The following PHIP variants were observed in gnomAD, a reference collection of about 807,000 sequenced individuals.
The protein encoded by PHIP is PH-interacting protein.
In PHIP, 54 loss-of-function variants were observed where a neutral mutation model predicts 236.8. The observed-to-expected ratio is 0.23, with a 90% CI of 0.18 to 0.29. The LOEUF is 0.29. Ranked by LOEUF, PHIP falls within the 10% of genes least tolerant of loss-of-function variation. The pLI is 1.00. For missense variants in PHIP, 1,370 were observed against 2,190.8 expected (o/e 0.63, Z 7.48); for synonymous variants, 756 against 718.9 (o/e 1.05, Z -0.83).
chr6:79,058,399 C>T (rs1012017627), intron 6 of PHIP, among the ~76,000 whole-genome samples: 5 of 152,048 alleles, frequency 3.3e-5, no homozygotes, highest in East Asian at 1.9e-4. Context: ...TGACCATCAA[C>T]GACGTGGCCT....
At chr6:78,986,907 C>A (rs892126891) in intron 21 of PHIP, among the ~76,000 whole-genome samples, 1 of 151,722 alleles carries the variant, frequency 6.6e-6, no homozygotes, top group Admixed American at 6.6e-5. Flanking sequence ...ATTTTTCCCA[C>A]ATTTTGTGTG....
chr6:79,041,247 G>A (rs1486067164), intron 7 of PHIP, among the ~76,000 whole-genome samples: 1 of 152,058 alleles, frequency 6.6e-6, no homozygotes, highest in African/African-American at 2.4e-5. Context: ...GGTTTGAGAC[G>A]CAGGCAGCAG....
chr6:79,060,255 G>A (rs1040082345), intron 6 of PHIP, among the ~76,000 whole-genome samples: 6 of 152,044 alleles, frequency 3.9e-5, no homozygotes, highest in African/African-American at 1.4e-4. Flanking sequence ...AAATTCCAAT[G>A]AGCTAATTGG....
chr6:78,950,610 T>G (rs1468413631), intron 35 of PHIP, among the ~76,000 whole-genome samples: 5 of 152,180 alleles, frequency 3.3e-5, no homozygotes, highest in East Asian at 3.8e-4. Flanking sequence ...GTTATCAAAT[T>G]TATATATGTA....
intron 39 of PHIP, among the ~76,000 whole-genome samples, chr6:78,943,753 G>A (rs981240133): frequency 2.0e-5 from 3 of 152,132 alleles, no homozygotes; most frequent in South Asian, 4.2e-4. Context: ...TTGGGAGGCC[G>A]AGTGGGGTGG....
chr6:79,038,072 T>A (rs1772030013), intron 7 of PHIP, among the ~76,000 whole-genome samples: 1 of 152,252 alleles, frequency 6.6e-6, no homozygotes, highest in African/African-American at 2.4e-5. Flanking sequence ...GTATTCAGTT[T>A]TTCAATTCCC....
At chr6:78,963,336 CA>C in intron 29 of PHIP, 84 bp from the exon 30 acceptor site, 1 of 1,070,914 alleles carries the variant, frequency 9.3e-7, no homozygotes, top group Non-Finnish European at 1.3e-6. Context: ...ATAACAGTCA[CA>C]AAATTAAAGT....
intron 6 of PHIP, among the ~76,000 whole-genome samples, chr6:79,058,924 T>C (rs553027339): frequency 3.3e-5 from 5 of 152,098 alleles, no homozygotes; most frequent in Non-Finnish European, 4.4e-5. Context: ...CTTTCCCTTC[T>C]TGCAGGAATC....
intron 35 of PHIP, among the ~76,000 whole-genome samples, chr6:78,949,754 T>C (rs187593829): frequency 9.2e-5 from 14 of 152,186 alleles, no homozygotes; most frequent in Admixed American, 8.5e-4. Context: ...AGTGGTATCA[T>C]CTTGGCTCAC....
chr6:78,999,137 C>G (rs1332094120), intron 17 of PHIP, among the ~76,000 whole-genome samples: 1 of 152,188 alleles, frequency 6.6e-6, no homozygotes, highest in African/African-American at 2.4e-5. Context: ...GCAAGAGGTA[C>G]AAACGCTGTG....
chr6:79,002,150 A>C lies in PHIP; in HGVS notation c.1654-26T>G. On this transcript the variant is annotated intron_variant, in intron 16 of 39. Coordinates refer to ENST00000275034, the MANE Select transcript of PHIP (RefSeq NM_017934.7). The stretch of plus-strand genomic sequence containing the variant: ...CTGCAAAAAGAAAAGTCCATAAAAG[A>C]CTGGAAAAATAAAAATGTATCATTG... 4 of 1,493,668 alleles carry C rather than the reference A, an allele frequency of 2.7e-6. No homozygotes were observed. In the Middle Eastern group the frequency reaches 7.0e-4, roughly 263 times the overall value. 92.5% of individuals were successfully genotyped at this position (1,493,668 alleles called of 1,614,324 possible).
chr6:78,977,294 C>A (rs1768164655), intron 24 of PHIP, among the ~76,000 whole-genome samples: 1 of 151,196 alleles, frequency 6.6e-6, no homozygotes, highest in Admixed American at 6.6e-5. Context: ...CCAAACACCG[C>A]ATATTCTCAC....
intron 15 of PHIP, among the ~76,000 whole-genome samples, chr6:79,007,562 G>T (rs1464343636): frequency 1.3e-5 from 2 of 151,404 alleles, no homozygotes; most frequent in Non-Finnish European, 2.9e-5. Flanking sequence ...TTAACACAAA[G>T]TAGGAAGGTT....
intron 32 of PHIP, chr6:78,957,151 G>A (rs879771952): frequency 7.2e-5 from 11 of 151,984 alleles, no homozygotes; most frequent in Admixed American, 3.3e-4. Context: ...ACATTTCAAA[G>A]TAGCCGTTTG....
chr6:78,963,340 A>G, intron 29 of PHIP, 88 bp from the exon 30 acceptor site: 1 of 999,456 alleles, frequency 1.0e-6, no homozygotes, highest in Non-Finnish European at 1.5e-6. Flanking sequence ...CAGTCACAAA[A>G]TTAAAGTATA....
At chr6:79,067,192 C>CCCTTTT (rs1454528634) in intron 4 of PHIP, among the ~76,000 whole-genome samples, 9 of 152,110 alleles carry the variant, frequency 5.9e-5, no homozygotes, top group African/African-American at 2.2e-4. Flanking sequence ...TAGCTCTCAT[C>CCCTTTT]CCTTTTTGAT....
rs115247030 is a variant in PHIP, at chr6:79,064,912, T to C, written c.190-4094A>G. 6.3e-3 allele frequency among the ~76,000 whole-genome samples: 960 copies of C among 152,280 alleles called. 19 individuals are homozygous for C. The highest frequency in any genetic ancestry group is 0.022 in the African/African-American group (904 of 41,550). On this transcript the variant is annotated intron_variant, in intron 4 of 39. Transcript: ENST00000275034. ...CCCAAAGCATCTGAAACTCAACATATGCAAAACTGAATTGATGGATCCTCA... is the reference window on the plus strand; with the variant it reads ...CCCAAAGCATCTGAAACTCAACATACGCAAAACTGAATTGATGGATCCTCA...
intron 15 of PHIP, among the ~76,000 whole-genome samples, chr6:79,008,407 G>A (rs1428374266): frequency 2.0e-5 from 3 of 152,078 alleles, no homozygotes; most frequent in Admixed American, 6.5e-5. Flanking sequence ...ATCAGCTCTA[G>A]ATTTTCATCA....
intron 23 of PHIP, among the ~76,000 whole-genome samples, chr6:78,981,740 T>G (rs550158557): frequency 2.6e-4 from 39 of 152,136 alleles, no homozygotes; most frequent in African/African-American, 9.4e-4. Flanking sequence ...GCCAGACACA[T>G]GGCTAAATCA....
Sources: gnomAD v4.1 joint callset for allele counts (sites outside exome capture counted in the v4.1 genomes callset) on GRCh38, gnomAD v4.1.1 for gene constraint, MANE v1.5 for transcripts, NCBI Gene and HGNC (gene_info 2026-07-23, HGNC 2026-07-21) for gene names.